The following SGIP1 variants were observed in gnomAD, a reference collection of about 807,000 sequenced individuals.
SGIP1 encodes SH3GL interacting endocytic adaptor 1.
Under a neutral mutation model 107.5 loss-of-function variants are expected in SGIP1, and 38 were observed. That is an observed-to-expected ratio of 0.35 (90% CI 0.27 to 0.46). The LOEUF is 0.46. SGIP1 is among the 20% of genes least tolerant of loss of function. The pLI is 1.00. For synonymous variants in SGIP1, 365 were observed against 366.1 expected, an observed-to-expected ratio of 1.00 and a Z score of 0.03; for missense variants, 929 against 1,019.5, an observed-to-expected ratio of 0.91 and a Z score of 1.21.
rs1338126012 is a variant in SGIP1 at position 66,660,012 on chromosome 1, CAGACAGGA to C, written c.460-498_460-491del. 19 of 41,466 alleles carry C rather than the reference CAGACAGGA, an allele frequency of 4.6e-4. 3 individuals are homozygous for C. Among genetic ancestry groups the C allele is most frequent in the African/African-American group, 6.8e-4 (4 of 5,852 alleles). The allele number at this position is 41,466 out of a possible 1,614,324, so 2.6% of individuals were successfully genotyped here. A position where few individuals can be genotyped will look rare whatever the true frequency, so the allele number is the denominator to read the frequency against. ...AAAGAAAGAAAGACAGACAGACAGACAGACAGGAAGGAAGGAAGGAAGGAAGGAAAGAA... is the reference window on the plus strand; with the variant it reads ...AAAGAAAGAAAGACAGACAGACAGACAGGAAGGAAGGAAGGAAGGAAAGAA... On this transcript the variant is annotated intron_variant, in intron 7 of 24. Coordinates refer to ENST00000371037, the MANE Select transcript of SGIP1 (RefSeq NM_032291.4).
intron 7 of SGIP1, among the ~76,000 whole-genome samples, chr1:66,645,845 T>G (rs142014852): frequency 2.5e-3 from 378 of 152,178 alleles, no homozygotes; most frequent in African/African-American, 8.7e-3. Context: ...GATAGTTTTG[T>G]TGTTGTTGTT....
chr1:66,561,948 C>T (rs1474068296), intron 1 of SGIP1, among the ~76,000 whole-genome samples: 1 of 151,978 alleles, frequency 6.6e-6, no homozygotes, highest in Admixed American at 6.6e-5. Context: ...TTTTGCTTCC[C>T]GTTTTCATCA....
At chr1:66,719,547 G>T in intron 19 of SGIP1, 142 bp downstream of exon 19, 2 of 459,962 alleles carry the variant, frequency 4.3e-6, no homozygotes, top group East Asian at 6.6e-5. Flanking sequence ...AGCTAGGAGA[G>T]AGGTGAAAAT....
rs781023962 is a variant in SGIP1, at chr1:66,745,883, T to C, written c.*2788T>C. ...TCAAGGATTAGTCTGAATTTTATCA[T>C]AATAGAAATTTATAATTACTAAGAA... On this transcript the variant is annotated 3_prime_UTR_variant, in exon 25 of 25. Transcript: ENST00000371037. The C allele has an allele frequency of 1.3e-4, 20 of 152,264 alleles. No homozygotes were observed. Among genetic ancestry groups the C allele is most frequent in the Middle Eastern group, 3.4e-3 (1 of 294 alleles). The allele number at this position is 152,264 out of a possible 1,614,324, so 9.4% of individuals were successfully genotyped here.
intron 8 of SGIP1, 70 bp downstream of exon 8, chr1:66,660,594 T>C: frequency 1.5e-6 from 2 of 1,356,288 alleles, no homozygotes; most frequent in Non-Finnish European, 2.1e-6. Context: ...TATCTGCATA[T>C]CTAATGACTG....
intron 18 of SGIP1, among the ~76,000 whole-genome samples, chr1:66,700,729 AT>A: frequency 6.6e-6 from 1 of 152,228 alleles, no homozygotes; most frequent in African/African-American, 2.4e-5. Context: ...ACAATAAATT[AT>A]TGTTTTCCCT....
intron 1 of SGIP1, among the ~76,000 whole-genome samples, chr1:66,551,848 T>C (rs532262421): frequency 6.6e-6 from 1 of 152,274 alleles, no homozygotes; most frequent in Admixed American, 6.5e-5. Context: ...TCCAAGATTG[T>C]AGATTCTGAG....
chr1:66,546,989 T>C lies in SGIP1; in HGVS notation c.10+12621T>C, dbSNP rs117883283. On this transcript the variant is annotated intron_variant, in intron 1 of 24. Coordinates refer to ENST00000371037, the MANE Select transcript of SGIP1 (RefSeq NM_032291.4). ...CCTGACTTTCTTACTGGGTTGAATA[T>C]TGAAGTATTAAAATATATGTGAAAA... Among the ~76,000 whole-genome samples the C allele has an allele frequency of 9.2e-5, 14 of 152,322 alleles. No homozygotes were observed. In the East Asian group the frequency reaches 2.7e-3, roughly 29 times the overall value.
intron 1 of SGIP1, among the ~76,000 whole-genome samples, chr1:66,578,765 A>G (rs1464055102): frequency 6.6e-6 from 1 of 151,978 alleles, no homozygotes; most frequent in Non-Finnish European, 1.5e-5. Flanking sequence ...TCCGCCTCCC[A>G]GGTTCAAGGG....
chr1:66,603,475 T>C (rs1474375287), intron 1 of SGIP1, among the ~76,000 whole-genome samples: 1 of 152,158 alleles, frequency 6.6e-6, no homozygotes, highest in East Asian at 1.9e-4. Flanking sequence ...ATTAAAGAAT[T>C]TTTTAACTGA....
At chr1:66,627,171 C>T (rs867053129) in intron 2 of SGIP1, among the ~76,000 whole-genome samples, 13 of 152,136 alleles carry the variant, frequency 8.5e-5, no homozygotes, top group Middle Eastern at 3.4e-3. Flanking sequence ...TGTGTAAGTT[C>T]CTTACAAGCA....
intron 1 of SGIP1, among the ~76,000 whole-genome samples, chr1:66,622,080 A>G (rs989714891): frequency 3.3e-5 from 5 of 152,212 alleles, no homozygotes; most frequent in African/African-American, 1.2e-4. Context: ...TTATCTGCAT[A>G]CATATGATGA....
At position 66,631,681 on chromosome 1, in the gene SGIP1, TTCTCTCTCTCTCTCTC is replaced by T. The variant is rs71058468; in HGVS notation, c.75-1357_75-1342del. On this transcript the variant is annotated intron_variant, in intron 2 of 24. Transcript: ENST00000371037. ...TCTCTCTCTCTTTCTCTCTCTCTCT[TTCTCTCTCTCTCTCTC>T]TCTCTCTCTCTCTCTCTCTCTCTCT... Among the ~76,000 whole-genome samples, 1,160 of 132,262 alleles carry T rather than the reference TTCTCTCTCTCTCTCTC, an allele frequency of 8.8e-3. 7 individuals carry two copies. The highest frequency in any genetic ancestry group is 0.022 in the East Asian group (108 of 4,846). 86.8% of individuals were successfully genotyped at this position (132,262 alleles called of 152,430 possible).
At position 66,642,955 on chromosome 1, in the gene SGIP1, C is replaced by T. The variant is rs185104366; in HGVS notation, c.283+91C>T. Reference sequence around the variant, plus strand: ...GATTTTACAAAAGTAATAAAATAACCGAATCTTCACAAGTCCTGTTATCCC... The same window carrying T: ...GATTTTACAAAAGTAATAAAATAACTGAATCTTCACAAGTCCTGTTATCCC... On this transcript the variant is annotated intron_variant, in intron 6 of 24. Coordinates refer to ENST00000371037, the MANE Select transcript of SGIP1 (RefSeq NM_032291.4). The T allele has an allele frequency of 7.7e-4, 845 of 1,101,128 alleles. 7 individuals carry two copies. In the Admixed American group the frequency reaches 0.017, roughly 22 times the overall value. The allele number at this position is 1,101,128 out of a possible 1,614,324, so 68.2% of individuals were successfully genotyped here. A position where few individuals can be genotyped will look rare whatever the true frequency, so the allele number is the denominator to read the frequency against.
chr1:66,671,939 A>C lies in SGIP1; in HGVS notation c.509-5A>C. ...TCTAAAAAGTTCCTTTGTCCTGTGC[A>C]TCAGGTGAAGAAGTGGCAAGACCCA... On this transcript the variant is annotated splice_region_variant and splice_polypyrimidine_tract_variant and intron_variant, in intron 10 of 24. Transcript: ENST00000371037. The C allele has an allele frequency of 1.2e-6, 2 of 1,614,004 alleles. No homozygotes were observed. Among genetic ancestry groups the C allele is most frequent in the Non-Finnish European group, 1.7e-6 (2 of 1,179,900 alleles).
At chr1:66,662,945 C>A (rs772376934) in intron 8 of SGIP1, among the ~76,000 whole-genome samples, 1 of 152,076 alleles carries the variant, frequency 6.6e-6, no homozygotes, top group African/African-American at 2.4e-5. Flanking sequence ...ATGTATGATA[C>A]AAATGGCTGC....
intron 1 of SGIP1, among the ~76,000 whole-genome samples, chr1:66,597,097 C>A (rs2064858691): frequency 6.6e-6 from 1 of 152,160 alleles, no homozygotes; most frequent in Admixed American, 6.5e-5. Context: ...AGTACATATG[C>A]AGGTTTGTTG....
intron 2 of SGIP1, among the ~76,000 whole-genome samples, chr1:66,628,700 T>C (rs1033375416): frequency 3.9e-5 from 6 of 152,218 alleles, no homozygotes; most frequent in African/African-American, 1.4e-4. Context: ...TGAACTAATT[T>C]ACATGTAGCC....
At chr1:66,692,557 A>G (rs1176310328) in intron 17 of SGIP1, among the ~76,000 whole-genome samples, 1 of 152,114 alleles carries the variant, frequency 6.6e-6, no homozygotes, top group Non-Finnish European at 1.5e-5. Context: ...TCCTCTCCAG[A>G]GAGGATGGGC....
Sources: allele counts gnomAD v4.1 joint callset (sites outside exome capture counted in the v4.1 genomes callset), GRCh38; gene constraint gnomAD v4.1.1; transcripts MANE v1.5; gene names NCBI Gene and HGNC (gene_info 2026-07-23, HGNC 2026-07-21).